The following PIP4P2 variants were observed in gnomAD, a reference collection of about 807,000 sequenced individuals.
PIP4P2 encodes the protein type 2 phosphatidylinositol 4,5-bisphosphate 4-phosphatase.
Under a neutral mutation model 33.3 loss-of-function variants are expected in PIP4P2, and 19 were observed. The observed-to-expected ratio is 0.57, with a 90% confidence interval of 0.40 to 0.84. PIP4P2 has a LOEUF of 0.84. Ranked by LOEUF, PIP4P2 falls within the 40% of genes least tolerant of loss-of-function variation. The pLI is 0.00. For synonymous variants in PIP4P2, 110 were observed against 111.9 expected, an observed-to-expected ratio of 0.98 and a Z score of 0.11; for missense variants, 270 against 324.7, an observed-to-expected ratio of 0.83 and a Z score of 1.29.
chr8:91,032,780 C>CAAAA (rs34482470), intron 1 of PIP4P2, among the ~76,000 whole-genome samples: 24 of 98,354 alleles, frequency 2.4e-4, no homozygotes, highest in East Asian at 9.6e-4. Context: ...GAGTCTGTCT[C>CAAAA]AAAAAAAAAA....
chr8:91,014,186 A>G (rs1326731413), intron 4 of PIP4P2, among the ~76,000 whole-genome samples: 11 of 152,138 alleles, frequency 7.2e-5, no homozygotes, highest in Admixed American at 7.2e-4. Flanking sequence ...CTACCTACAG[A>G]GAGATAAGCC....
chr8:91,005,079 G>C (rs1475663798), intron 5 of PIP4P2, among the ~76,000 whole-genome samples: 1 of 152,176 alleles, frequency 6.6e-6, no homozygotes, highest in Admixed American at 6.5e-5. Context: ...TTGAAAAGCA[G>C]ATAGATGGAA....
intron 5 of PIP4P2, among the ~76,000 whole-genome samples, chr8:90,998,088 G>T (rs1322796670): frequency 6.6e-6 from 1 of 151,764 alleles, no homozygotes; most frequent in Non-Finnish European, 1.5e-5. Flanking sequence ...GTCTATTTTT[G>T]GTTTTAATTT....
At chr8:91,017,813 A>C (rs1352699932) in intron 4 of PIP4P2, among the ~76,000 whole-genome samples, 1 of 152,204 alleles carries the variant, frequency 6.6e-6, no homozygotes, top group Non-Finnish European at 1.5e-5. Context: ...ACTTTAAAAA[A>C]AATCAAACTA....
In PIP4P2 at chr8:91,040,672, T is replaced by C. The variant is rs780564759; in HGVS notation, c.78A>G (p.Pro26=). 1.2e-6 allele frequency: 2 copies of C among 1,613,408 alleles called. No homozygotes were observed. The highest frequency in any genetic ancestry group is 1.7e-6 in the Non-Finnish European group (2 of 1,179,992). ...TGGGGCTGCTTTCTTGCAAGTACGG[T>C]GGGGCGGTGGGAGTGACATTTCCGG... ...SHSGNVTPTA[P]PYLQESSPRA... is the part of the protein sequence containing the mutation. Residue 26 remains proline, a synonymous_variant, in exon 1 of 7, where the codon CCA becomes CCG. Coordinates refer to ENST00000285419, the MANE Select transcript of PIP4P2 (RefSeq NM_018710.3).
chr8:91,031,399 T>G (rs1812162641), intron 1 of PIP4P2, among the ~76,000 whole-genome samples: 1 of 152,210 alleles, frequency 6.6e-6, no homozygotes, highest in African/African-American at 2.4e-5. Context: ...GGATTGTCAG[T>G]CTTAGCACTT....
Position 90,996,557 on chromosome 8 carries a change from G to T in PIP4P2, c.630+97C>A, listed in dbSNP as rs1244152947. 11 of 934,704 alleles carry T rather than the reference G, an allele frequency of 1.2e-5. No individual in the cohort carries two copies. The Admixed American group carries it at 3.4e-4, about 29-fold the overall frequency. 57.9% of individuals were successfully genotyped at this position (934,704 alleles called of 1,614,324 possible). ...CTAGTGCTGGCATGCCAAGGAGGCAGCCTCTTCAGGAATCCCTGAAGGTTG... is the reference window on the plus strand; with the variant it reads ...CTAGTGCTGGCATGCCAAGGAGGCATCCTCTTCAGGAATCCCTGAAGGTTG... On this transcript the variant is annotated intron_variant, in intron 6 of 6. Coordinates refer to ENST00000285419, the MANE Select transcript of PIP4P2 (RefSeq NM_018710.3).
intron 4 of PIP4P2, among the ~76,000 whole-genome samples, chr8:91,015,919 A>G (rs1268939235): frequency 6.6e-6 from 1 of 152,260 alleles, no homozygotes; most frequent in African/African-American, 2.4e-5. Context: ...ACAGGCTATG[A>G]CCAAATGCTT....
At chr8:91,005,247 A>ATC (rs886375114) in intron 5 of PIP4P2, among the ~76,000 whole-genome samples, 1 of 151,468 alleles carries the variant, frequency 6.6e-6, no homozygotes, top group African/African-American at 2.4e-5. Flanking sequence ...CTTGATCCCA[A>ATC]TCTCTCTCTC....
chr8:91,019,395 C>CAAAA lies in PIP4P2; in HGVS notation c.362+758_362+761dup, dbSNP rs71510466. Among the ~76,000 whole-genome samples the CAAAA allele has an allele frequency of 1.2e-3, 23 of 19,684 alleles. 1 individual carries two copies. The highest frequency in any genetic ancestry group is 4.3e-3 in the African/African-American group (18 of 4,208). The allele number at this position is 19,684 out of a possible 152,430, so 12.9% of individuals were successfully genotyped here. A position where few individuals can be genotyped will look rare whatever the true frequency, so the allele number is the denominator to read the frequency against. On this transcript the variant is annotated intron_variant, in intron 3 of 6. Coordinates refer to ENST00000285419, the MANE Select transcript of PIP4P2 (RefSeq NM_018710.3). ...GCAATATGGTGAAACCCTGTCTCTA[C>CAAAA]AAAAAAAAAAAAAAAAAAAAAAAAA...
intron 6 of PIP4P2, among the ~76,000 whole-genome samples, chr8:90,996,174 T>C (rs1811626059): frequency 6.6e-6 from 1 of 152,144 alleles, no homozygotes; most frequent in African/African-American, 2.4e-5. Flanking sequence ...CCAAAGAGAT[T>C]ATCTTCCTCT....
chr8:91,038,328 T>G (rs895580353), intron 1 of PIP4P2, among the ~76,000 whole-genome samples: 3 of 152,210 alleles, frequency 2.0e-5, no homozygotes, highest in Non-Finnish European at 2.9e-5. Flanking sequence ...AGCTTTTAAC[T>G]TCTTTTTTTA....
chr8:91,029,988 A>G (rs1409206853), intron 1 of PIP4P2, among the ~76,000 whole-genome samples: 1 of 152,134 alleles, frequency 6.6e-6, no homozygotes. Flanking sequence ...AACAAAAACA[A>G]AAAGATATAT....
At chr8:91,039,364 C>A (rs894541796) in intron 1 of PIP4P2, among the ~76,000 whole-genome samples, 2 of 152,298 alleles carry the variant, frequency 1.3e-5, no homozygotes, top group African/African-American at 4.8e-5. Flanking sequence ...TTTCTCAAGC[C>A]ATGGCTCACA....
intron 3 of PIP4P2, 74 bp from the exon 4 acceptor site, chr8:91,018,587 A>G: frequency 1.9e-6 from 3 of 1,595,288 alleles, no homozygotes. Context: ...CATATGGCCA[A>G]AAATATGAAA....
intron 1 of PIP4P2, 82 bp downstream of exon 1, chr8:91,040,562 G>A: frequency 1.3e-6 from 2 of 1,512,140 alleles, no homozygotes; most frequent in Non-Finnish European, 1.8e-6. Flanking sequence ...CTCCAAGCTA[G>A]AGCTCCCAGG....
At position 91,040,642 on chromosome 8, in the gene PIP4P2, A is replaced by G; in HGVS notation, c.106+2T>C. ...AAGTAGAGGGATCTACGCTGGCCTT[A>G]CCTCTGGGGCTGCTTTCTTGCAAGT... On this transcript the variant is annotated splice_donor_variant, in intron 1 of 6. Transcript: ENST00000285419. LOFTEE classifies it high-confidence loss of function. The G allele has an allele frequency of 6.2e-7, 1 of 1,613,648 alleles. No homozygotes were observed. Among genetic ancestry groups the G allele is most frequent in the Non-Finnish European group, 8.5e-7 (1 of 1,179,992 alleles).
At chr8:91,000,154 G>C (rs1475109428) in intron 5 of PIP4P2, among the ~76,000 whole-genome samples, 1 of 151,914 alleles carries the variant, frequency 6.6e-6, no homozygotes, top group Non-Finnish European at 1.5e-5. Context: ...AAAGATTTTA[G>C]AAAGTTTTAA....
rs763840821 is a variant in PIP4P2 at position 91,040,713 on chromosome 8, G to A, written c.37C>T (p.Leu13=). The change falls in exon 1 of 7, where the codon CTG becomes TTG. Residue 13 remains leucine (L), a synonymous_variant. Coordinates refer to ENST00000285419, the MANE Select transcript of PIP4P2 (RefSeq NM_018710.3). The part of the protein sequence containing the change: ...ADGVDERSPL[L]SASHSGNVTP... ...ACATTTCCGGAGTGGGATGCTGACA[G>A]CAGAGGCGAGCGTTCGTCCACCCCA... The A allele has an allele frequency of 6.2e-7, 1 of 1,612,944 alleles. No individual in the cohort carries two copies.
Sources: gnomAD v4.1 joint callset for allele counts (sites outside exome capture counted in the v4.1 genomes callset) on GRCh38, gnomAD v4.1.1 for gene constraint, MANE v1.5 for transcripts, NCBI Gene and HGNC (gene_info 2026-07-23, HGNC 2026-07-21) for gene names.